Variants in GNA12 observed in about 807,000 individuals in gnomAD.
GNA12 encodes G protein subunit alpha 12.
In GNA12, 9 loss-of-function variants were observed where a neutral mutation model predicts 26.0. The ratio of observed to expected loss-of-function variants is 0.35; its 90% CI spans 0.21 to 0.60. The LOEUF is 0.60. Ranked by LOEUF, GNA12 falls within the 20% of genes least tolerant of loss-of-function variation. The pLI, the probability that GNA12 is intolerant of heterozygous loss-of-function variation, is 0.78. For synonymous variants in GNA12, 264 were observed against 219.6 expected, an observed-to-expected ratio of 1.20 and a Z score of -1.79; for missense variants, 405 against 525.8, an observed-to-expected ratio of 0.77 and a Z score of 2.25.
chr7:2,734,310 T>C (rs1340217491), intron 2 of GNA12, among the ~76,000 whole-genome samples: 1 of 152,162 alleles, frequency 6.6e-6, no homozygotes, highest in Non-Finnish European at 1.5e-5. Context: ...AAAGGTAGCG[T>C]ATTAAAAACC....
At chr7:2,806,170 G>A (rs565460744) in intron 1 of GNA12, among the ~76,000 whole-genome samples, 10 of 152,158 alleles carry the variant, frequency 6.6e-5, no homozygotes, top group Admixed American at 6.5e-4. Flanking sequence ...ATTGCTGTAG[G>A]ATAACATATC....
intron 2 of GNA12, among the ~76,000 whole-genome samples, chr7:2,793,049 G>A (rs577055410): frequency 3.4e-4 from 51 of 152,184 alleles, no homozygotes; most frequent in Non-Finnish European, 5.9e-4. Flanking sequence ...AGGGCTCAAC[G>A]GCACGCCTGC....
chr7:2,735,510 C>T (rs202074997), intron 2 of GNA12, among the ~76,000 whole-genome samples: 1 of 152,168 alleles, frequency 6.6e-6, no homozygotes, highest in East Asian at 1.9e-4. Flanking sequence ...CCACAGAGGG[C>T]ACAATCAGGA....
intron 2 of GNA12, among the ~76,000 whole-genome samples, chr7:2,767,293 T>C (rs1791832065): frequency 6.6e-6 from 1 of 152,246 alleles, no homozygotes; most frequent in Admixed American, 6.5e-5. Context: ...TTTGGTATCA[T>C]ACCCAAGAAA....
chr7:2,796,325 T>C (rs947676533), intron 1 of GNA12, among the ~76,000 whole-genome samples: 2 of 152,218 alleles, frequency 1.3e-5, no homozygotes, highest in Admixed American at 1.3e-4. Context: ...TATAACAATA[T>C]ACTGTCATGA....
intron 1 of GNA12, among the ~76,000 whole-genome samples, chr7:2,832,463 G>C (rs1778703746): frequency 6.6e-6 from 1 of 152,194 alleles, no homozygotes; most frequent in Non-Finnish European, 1.5e-5. Flanking sequence ...CTCGAGGGCT[G>C]CGAGGAGTCC....
rs187437711 is a variant in GNA12, at chr7:2,842,752, C to T, written c.309+1101G>A. Among the ~76,000 whole-genome samples, 13 of 152,318 alleles carry T rather than the reference C, an allele frequency of 8.5e-5. No homozygotes were observed. The East Asian group carries it at 2.3e-3, about 27-fold the overall frequency. ...ACACTGGATATCTGGTGATAATGAG[C>T]TATTACTAATGTTTAGGTTTGCTAA... On this transcript the variant is annotated intron_variant, in intron 1 of 3. Coordinates refer to ENST00000275364, the MANE Select transcript of GNA12 (RefSeq NM_007353.3).
At chr7:2,796,244 T>C (rs987296229) in intron 1 of GNA12, among the ~76,000 whole-genome samples, 2 of 152,352 alleles carry the variant, frequency 1.3e-5, no homozygotes, top group South Asian at 2.1e-4. Context: ...GTATTGTTTT[T>C]AAAGTTTAAT....
intron 2 of GNA12, chr7:2,763,349 G>C (rs1026766410): frequency 1.9e-5 from 3 of 156,618 alleles, no homozygotes; most frequent in African/African-American, 7.2e-5. Flanking sequence ...CCTCGGCACA[G>C]TTTGTTTGCT....
intron 1 of GNA12, among the ~76,000 whole-genome samples, chr7:2,806,418 G>A (rs1792947794): frequency 7.5e-6 from 1 of 133,268 alleles, no homozygotes; most frequent in African/African-American, 2.9e-5. Context: ...TTGCACCACT[G>A]CAGCACTCCA....
At chr7:2,765,734 G>A (rs1032735253) in intron 2 of GNA12, among the ~76,000 whole-genome samples, 4 of 151,932 alleles carry the variant, frequency 2.6e-5, no homozygotes, top group African/African-American at 4.8e-5. Context: ...GGGTTCAAGC[G>A]ATTCTCCTGT....
chr7:2,734,542 A>G (rs1790062431), intron 2 of GNA12, among the ~76,000 whole-genome samples: 1 of 152,190 alleles, frequency 6.6e-6, no homozygotes, highest in South Asian at 2.1e-4. Context: ...GGACTACGTG[A>G]TGGCGCTGAA....
At chr7:2,825,105 T>A (rs1793453981) in intron 1 of GNA12, among the ~76,000 whole-genome samples, 1 of 152,114 alleles carries the variant, frequency 6.6e-6, no homozygotes, top group African/African-American at 2.4e-5. Flanking sequence ...AAAGACAGGT[T>A]ACAACAATTT....
At chr7:2,790,284 G>T (rs1196113345) in intron 2 of GNA12, among the ~76,000 whole-genome samples, 1 of 152,042 alleles carries the variant, frequency 6.6e-6, no homozygotes, top group Admixed American at 6.6e-5. Context: ...GTCTCGCTTT[G>T]TTGCCCAGGC....
chr7:2,841,977 G>A (rs1779000480), intron 1 of GNA12, among the ~76,000 whole-genome samples: 1 of 139,076 alleles, frequency 7.2e-6, no homozygotes, highest in South Asian at 2.3e-4. Context: ...AAAGTGGTGA[G>A]GGGACAAGGA....
At chr7:2,793,896 A>AAAAAG (rs1554260953) in intron 2 of GNA12, among the ~76,000 whole-genome samples, 5 of 146,736 alleles carry the variant, frequency 3.4e-5, no homozygotes, top group Middle Eastern at 3.5e-3. Context: ...AAAAAAAAAA[A>AAAAAG]AAGGAAAAAA....
chr7:2,734,162 G>C (rs1042238569), intron 2 of GNA12, among the ~76,000 whole-genome samples: 2 of 152,184 alleles, frequency 1.3e-5, no homozygotes, highest in East Asian at 1.9e-4. Context: ...GGGCCCTGCG[G>C]AATCACCCAG....
intron 2 of GNA12, among the ~76,000 whole-genome samples, chr7:2,775,095 T>C (rs1415269362): frequency 6.6e-6 from 1 of 152,196 alleles, no homozygotes; most frequent in East Asian, 1.9e-4. Flanking sequence ...TTCAAGTTTT[T>C]GGATAGACAA....
At chr7:2,828,417 G>A (rs562376106) in intron 1 of GNA12, among the ~76,000 whole-genome samples, 5 of 152,256 alleles carry the variant, frequency 3.3e-5, no homozygotes, top group South Asian at 2.1e-4. Context: ...GAAGTGGCAC[G>A]ATCCTAGCTT....
Sources: allele counts gnomAD v4.1 joint callset (sites outside exome capture counted in the v4.1 genomes callset), GRCh38; gene constraint gnomAD v4.1.1; transcripts MANE v1.5; gene names NCBI Gene and HGNC (gene_info 2026-07-23, HGNC 2026-07-21).